Variants in ABCC11 observed in about 807,000 individuals in gnomAD.
ABCC11 encodes ATP binding cassette subfamily C member 11.
A neutral mutation model predicts 149.3 loss-of-function variants in ABCC11; 135 were observed. The observed-to-expected ratio is 0.90, with a 90% CI of 0.79 to 1.04. The LOEUF (loss-of-function observed/expected upper bound fraction) is 1.04. Ranked by LOEUF, ABCC11 falls within the 50% of genes least tolerant of loss-of-function variation. The pLI, the probability that ABCC11 is intolerant of heterozygous loss-of-function variation, is 0.00. For missense variants in ABCC11, 1,680 were observed against 1,722.1 expected (o/e 0.98, Z 0.43); for synonymous variants, 665 against 671.4 (o/e 0.99, Z 0.15).
chr16:48,246,190 T>A (rs898901164), intron 1 of ABCC11, among the ~76,000 whole-genome samples: 2 of 152,054 alleles, frequency 1.3e-5, no homozygotes, highest in African/African-American at 4.8e-5. Flanking sequence ...TTCATTTATA[T>A]TGTAAAAGCC....
intron 1 of ABCC11, among the ~76,000 whole-genome samples, chr16:48,245,042 C>G (rs964853488): frequency 1.2e-4 from 18 of 152,270 alleles, no homozygotes; most frequent in African/African-American, 3.9e-4. Context: ...TATCCGCCTC[C>G]CCTTTTCTGT....
At chr16:48,174,327 TGAATGAAG>T (rs1262829527) in intron 26 of ABCC11, among the ~76,000 whole-genome samples, 1 of 152,124 alleles carries the variant, frequency 6.6e-6, no homozygotes, top group Non-Finnish European at 1.5e-5. Flanking sequence ...AGTGGGAGGA[TGAATGAAG>T]GAATGAATGA....
At chr16:48,203,457 C>T (rs553096796) in intron 13 of ABCC11, among the ~76,000 whole-genome samples, 157 bp from the exon 14 acceptor site, 4 of 152,158 alleles carry the variant, frequency 2.6e-5, no homozygotes, top group Non-Finnish European at 5.9e-5. Context: ...ATTTCCTTCC[C>T]TCTTTCATTT....
rs1341829391 is a variant in ABCC11, at chr16:48,170,959, A to G, written c.3707T>C (p.Leu1236Pro). 7.4e-6 allele frequency: 12 copies of G among 1,612,622 alleles called. No homozygotes were observed. Among genetic ancestry groups the G allele is most frequent in the African/African-American group, 1.3e-5 (1 of 74,912 alleles). The change falls in exon 27 of 30, where the codon CTA (leucine) becomes CCA (proline). Residue 1236 changes from leucine (L) to proline (P), a missense_variant. Coordinates refer to ENST00000356608, the MANE Select transcript of ABCC11 (RefSeq NM_001370497.1). ...VLLSGTIRFN[L>P]DPFDRHTDQQ... ...GTCAGTGTGACGGTCAAAGGGATCT[A>G]GGTTGAATCTACCATATGAGAGAAA...
intron 4 of ABCC11, among the ~76,000 whole-genome samples, chr16:48,226,612 G>A (rs565140055): frequency 6.6e-6 from 1 of 152,186 alleles, no homozygotes; most frequent in Admixed American, 6.5e-5. Context: ...ACAGGGCCCA[G>A]AAAGGGAAAC....
intron 18 of ABCC11, among the ~76,000 whole-genome samples, chr16:48,194,606 A>G (rs750715328): frequency 9.2e-5 from 14 of 152,250 alleles, no homozygotes; most frequent in East Asian, 1.9e-4. Flanking sequence ...GGTGACGACC[A>G]TGAGGATGGA....
chr16:48,231,675 AAGAG>A (rs1277406308), intron 2 of ABCC11, 144 bp downstream of exon 2: 355 of 817,770 alleles, frequency 4.3e-4, no homozygotes, highest in Middle Eastern at 3.2e-3. Flanking sequence ...AAAAAAAAAA[AAGAG>A]AGAGAGAGAG....
chr16:48,176,840 G>A, intron 25 of ABCC11, 84 bp downstream of exon 25: 3 of 1,440,366 alleles, frequency 2.1e-6, no homozygotes, highest in South Asian at 2.7e-5. Context: ...GGGGATGACT[G>A]AGCAAACACA....
intron 20 of ABCC11, 27 bp downstream of exon 20, chr16:48,192,493 G>C: frequency 1.9e-6 from 3 of 1,611,788 alleles, no homozygotes; most frequent in Non-Finnish European, 2.5e-6. Context: ...CTCAGCCTTC[G>C]GCCCCACCCA....
Position 48,244,345 on chromosome 16 carries a change from T to C in ABCC11, c.-19+2969A>G. 3.6e-6 allele frequency: 5 copies of C among 1,407,062 alleles called. No homozygotes were observed. In the South Asian group the frequency reaches 6.9e-5, roughly 19 times the overall value. The allele number at this position is 1,407,062 out of a possible 1,614,324, so 87.2% of individuals were successfully genotyped here. ...GCGGGGCAGGCCGGGGGCAGCTGTC[T>C]GTCTGGCTCTTTTTGACAGCCCCCA... is the stretch of plus-strand genomic sequence containing the variant. On this transcript the variant is annotated intron_variant, in intron 1 of 29. Coordinates refer to ENST00000356608, the MANE Select transcript of ABCC11 (RefSeq NM_001370497.1).
intron 20 of ABCC11, among the ~76,000 whole-genome samples, chr16:48,190,566 G>C (rs1966869758): frequency 6.6e-6 from 1 of 152,034 alleles, no homozygotes; most frequent in African/African-American, 2.4e-5. Flanking sequence ...ATTTTGCCTT[G>C]TTGCCCAGGC....
Position 48,222,808 on chromosome 16 carries a change from C to T in ABCC11, c.567G>A (p.Leu189=). The change falls in exon 6 of 30, where the codon CTG becomes CTA. Residue 189 remains leucine (L), a synonymous_variant. Coordinates refer to ENST00000356608, the MANE Select transcript of ABCC11 (RefSeq NM_001370497.1). ...TCCCCAACTGCTCTTCTGAATATTC[C>T]AGGATCTTTGGTATAATCAATATCT... The part of the protein sequence containing the change: ...LGPILIIPKI[L]EYSEEQLGNV... 8.7e-6 allele frequency: 14 copies of T among 1,613,918 alleles called. No homozygotes were observed. Among genetic ancestry groups the T allele is most frequent in the Non-Finnish European group, 1.2e-5 (14 of 1,179,800 alleles).
At chr16:48,235,746 C>A (rs906689875) in intron 1 of ABCC11, among the ~76,000 whole-genome samples, 2 of 152,178 alleles carry the variant, frequency 1.3e-5, no homozygotes, top group African/African-American at 4.8e-5. Flanking sequence ...AGGATGGAAA[C>A]CAGGACATGA....
intron 20 of ABCC11, among the ~76,000 whole-genome samples, chr16:48,189,229 G>C (rs910720213): frequency 2.6e-5 from 4 of 152,228 alleles, no homozygotes; most frequent in African/African-American, 9.6e-5. Flanking sequence ...CACCTTGCAG[G>C]TGCGGGGCAT....
chr16:48,176,919 C>G lies in ABCC11; in HGVS notation c.3538+5G>C, dbSNP rs763217587. On this transcript the variant is annotated splice_donor_5th_base_variant and intron_variant, in intron 25 of 29. Transcript: ENST00000356608. ...GGGGACGCTCGCCCAGGAAGCTCAG[C>G]TCACCAGAGCCCGTCCTTCCCACGA... The G allele has an allele frequency of 6.2e-7, 1 of 1,612,692 alleles. No individual in the cohort carries two copies. Among genetic ancestry groups the G allele is most frequent in the South Asian group, 1.1e-5 (1 of 90,906 alleles).
chr16:48,198,500 G>C (rs747637365), intron 15 of ABCC11, among the ~76,000 whole-genome samples: 1 of 152,132 alleles, frequency 6.6e-6, no homozygotes, highest in Non-Finnish European at 1.5e-5. Flanking sequence ...AACTACTTTG[G>C]AGAACAATTT....
chr16:48,239,045 T>A (rs927526240), intron 1 of ABCC11, among the ~76,000 whole-genome samples: 1 of 151,972 alleles, frequency 6.6e-6, no homozygotes, highest in Non-Finnish European at 1.5e-5. Flanking sequence ...GAACAGCTCT[T>A]TCTTATAGTA....
intron 6 of ABCC11, among the ~76,000 whole-genome samples, chr16:48,219,418 A>G (rs1969580164): frequency 6.6e-6 from 1 of 152,122 alleles, no homozygotes; most frequent in Admixed American, 6.5e-5. Context: ...CGATTCATCC[A>G]ACTCGGCATC....
At chr16:48,198,922 A>T (rs1004400626) in intron 15 of ABCC11, among the ~76,000 whole-genome samples, 1 of 151,964 alleles carries the variant, frequency 6.6e-6, no homozygotes, top group Non-Finnish European at 1.5e-5. Context: ...CTGTAGTCCC[A>T]GCTACTCGGG....
Sources: gnomAD v4.1 joint callset for allele counts (sites outside exome capture counted in the v4.1 genomes callset) on GRCh38, gnomAD v4.1.1 for gene constraint, MANE v1.5 for transcripts, NCBI Gene and HGNC (gene_info 2026-07-23, HGNC 2026-07-21) for gene names.